PCDH15: variants seen among roughly 807,000 people sequenced by gnomAD.
PCDH15 encodes protocadherin related 15.
PCDH15 carries 129 observed loss-of-function variants against 178.5 expected under a neutral mutation model. The ratio of observed to expected loss-of-function variants is 0.72; its 90% CI spans 0.63 to 0.84. The LOEUF is 0.84. Among genes scored for constraint, PCDH15 ranks in the 40% least tolerant of loss-of-function variants. The pLI, the probability that PCDH15 is intolerant of heterozygous loss-of-function variation, is 0.00. For synonymous variants in PCDH15, 800 were observed against 732.0 expected (o/e 1.09, Z -1.50); for missense variants, 2,230 against 2,099.9 (o/e 1.06, Z -1.21).
At chr10:53,846,145 A>G (rs1299771935) in intron 28 of PCDH15, among the ~76,000 whole-genome samples, 1 of 151,900 alleles carries the variant, frequency 6.6e-6, no homozygotes, top group African/African-American at 2.4e-5. Context: ...TAGTACAATC[A>G]AGTATGAAGC....
At chr10:54,702,891 G>C (rs371562187) in intron 1 of PCDH15, among the ~76,000 whole-genome samples, 109 of 152,066 alleles carry the variant, frequency 7.2e-4, no homozygotes, top group African/African-American at 2.5e-3. Context: ...AAACCTGGCA[G>C]AACACAACAA....
Position 55,210,618 on chromosome 10 carries a change from C to CTTTTTTTTTTTTTTTTTTTT in PCDH15, c.-155-43987_-155-43968dup, listed in dbSNP as rs11412877. Reference sequence around the variant, plus strand: ...ACGATTTTTTTTTCTTTTTTCTTTTCTTTTTTTTTTTTTTTTTTTTTTTTT... The same window carrying CTTTTTTTTTTTTTTTTTTTT: ...ACGATTTTTTTTTCTTTTTTCTTTTCTTTTTTTTTTTTTTTTTTTTTTTTTTTTTTTTTTTTTTTTTTTTT... On this transcript the variant is annotated intron_variant, in intron 1 of 5. Transcript: ENST00000458638. 9.9e-5 allele frequency among the ~76,000 whole-genome samples: 4 copies of CTTTTTTTTTTTTTTTTTTTT among 40,342 alleles called. 1 individual carries two copies. The highest frequency in any genetic ancestry group is 3.4e-4 in the African/African-American group (3 of 8,770). The allele number at this position is 40,342 out of a possible 152,430, so 26.5% of individuals were successfully genotyped here.
chr10:55,088,348 A>G (rs1273820257), intron 2 of PCDH15, among the ~76,000 whole-genome samples: 1 of 151,774 alleles, frequency 6.6e-6, no homozygotes, highest in Non-Finnish European at 1.5e-5. Flanking sequence ...GGCTCACTGC[A>G]ACCTCCGCCT....
intron 2 of PCDH15, among the ~76,000 whole-genome samples, chr10:54,992,265 T>C (rs1050139970): frequency 4.6e-5 from 7 of 152,174 alleles, no homozygotes; most frequent in African/African-American, 1.7e-4. Flanking sequence ...ACAGCAATTG[T>C]CTTAAGTGAA....
At position 55,223,788 on chromosome 10, in the gene PCDH15, T is replaced by C. The variant is rs1840951031; in HGVS notation, c.-155-57137A>G. On this transcript the variant is annotated intron_variant, in intron 1 of 5. Transcript: ENST00000458638. The stretch of plus-strand genomic sequence containing the variant: ...ATCTGCTAAACTCTGGTCTTTAAAA[T>C]AAAGGAAGATTTTGCCAAATATAGA... 3.3e-5 allele frequency among the ~76,000 whole-genome samples: 5 copies of C among 152,112 alleles called. No individual in the cohort carries two copies. In the South Asian group the frequency reaches 8.3e-4, roughly 25 times the overall value.
intron 3 of PCDH15, among the ~76,000 whole-genome samples, chr10:54,484,739 C>T (rs572459539): frequency 3.3e-5 from 5 of 151,614 alleles, no homozygotes; most frequent in African/African-American, 9.7e-5. Flanking sequence ...AGAAATCGAA[C>T]GACAATGCAA....
intron 2 of PCDH15, among the ~76,000 whole-genome samples, chr10:55,053,688 T>A (rs895626856): frequency 3.3e-5 from 5 of 152,202 alleles, no homozygotes; most frequent in Non-Finnish European, 5.9e-5. Context: ...ACTCTGAGCC[T>A]CAGTTTCTTT....
chr10:54,020,886 T>C (rs1456972731), intron 19 of PCDH15, among the ~76,000 whole-genome samples: 1 of 152,006 alleles, frequency 6.6e-6, no homozygotes, highest in Non-Finnish European at 1.5e-5. Context: ...ATGGCTAAAG[T>C]ACTATAAGAA....
Position 53,961,857 on chromosome 10 carries a change from A to G in PCDH15, c.2904T>C (p.Asp968=). The G allele has an allele frequency of 1.2e-6, 2 of 1,610,568 alleles. No homozygotes were observed. Among genetic ancestry groups the G allele is most frequent in the Non-Finnish European group, 8.5e-7 (1 of 1,177,178 alleles). ...LPASRVRYRV[D]DVQFPYPASI... ...TGGCAGGGTAAGGAAACTGTACATCATCTACTCTATACCTCACACGACTTG... is the reference window on the plus strand; with the variant it reads ...TGGCAGGGTAAGGAAACTGTACATCGTCTACTCTATACCTCACACGACTTG... The change falls in exon 22 of 38, where the codon GAT becomes GAC. Residue 968 remains aspartate (D), a synonymous_variant. Coordinates refer to ENST00000644397, the MANE Select transcript of PCDH15 (RefSeq NM_001384140.1).
At chr10:53,995,626 A>G (rs1564959476) in intron 21 of PCDH15, 23 bp downstream of exon 21, 1 of 1,613,788 alleles carries the variant, frequency 6.2e-7, no homozygotes, top group Non-Finnish European at 8.5e-7. Context: ...AGTTCAGAAT[A>G]TTAATCAATG....
intron 14 of PCDH15, among the ~76,000 whole-genome samples, chr10:54,145,602 T>C (rs2043828482): frequency 6.6e-6 from 1 of 152,100 alleles, no homozygotes; most frequent in Admixed American, 6.6e-5. Context: ...GGCAGAGTTT[T>C]AAGATAGAAG....
chr10:55,594,677 A>G (rs145121535), intron 2 of PCDH15, among the ~76,000 whole-genome samples: 1 of 152,146 alleles, frequency 6.6e-6, no homozygotes, highest in East Asian at 1.9e-4. Flanking sequence ...TCAGTAAATT[A>G]TACTGTATAA....
intron 2 of PCDH15, among the ~76,000 whole-genome samples, chr10:55,413,598 G>A (rs1380250766): frequency 1.3e-5 from 2 of 151,494 alleles, no homozygotes; most frequent in African/African-American, 4.8e-5. Flanking sequence ...AAACAAAAGA[G>A]ACTCAGTTAT....
At chr10:55,285,792 T>C (rs1348386776) in intron 1 of PCDH15, among the ~76,000 whole-genome samples, 1 of 151,804 alleles carries the variant, frequency 6.6e-6, no homozygotes, top group Non-Finnish European at 1.5e-5. Context: ...TAATAGAAAA[T>C]AAGACACAGT....
intron 2 of PCDH15, among the ~76,000 whole-genome samples, chr10:54,966,611 C>CACA (rs1838797402): frequency 1.3e-5 from 2 of 152,100 alleles, no homozygotes; most frequent in Non-Finnish European, 2.9e-5. Flanking sequence ...CCATAATTCC[C>CACA]ACTTGTTGTG....
At chr10:54,630,007 T>A (rs1425480026) in intron 2 of PCDH15, among the ~76,000 whole-genome samples, 3 of 151,926 alleles carry the variant, frequency 2.0e-5, no homozygotes, top group Non-Finnish European at 2.9e-5. Flanking sequence ...ACAAAAAAAA[T>A]TAAGTAGGAA....
chr10:55,113,833 T>A lies in PCDH15; in HGVS notation c.-80+52743A>T, dbSNP rs566146103. On this transcript the variant is annotated intron_variant, in intron 2 of 5. Transcript: ENST00000458638. Reference sequence around the variant, plus strand: ...ACCCAAGATAGCCATCAGAGAGAGGTATGTAGATCTTGTATTATCCTGCAC... The same window carrying A: ...ACCCAAGATAGCCATCAGAGAGAGGAATGTAGATCTTGTATTATCCTGCAC... 2.4e-4 allele frequency among the ~76,000 whole-genome samples: 36 copies of A among 152,228 alleles called. 1 individual carries two copies. In the South Asian group the frequency reaches 7.2e-3, roughly 31 times the overall value.
Position 55,007,338 on chromosome 10 carries a change from T to G in PCDH15, c.-79-109838A>C, listed in dbSNP as rs1053272727. On this transcript the variant is annotated intron_variant, in intron 2 of 5. Transcript: ENST00000458638. ...TTACCAACAGCATTATTTGCTAATT[T>G]CAAAGAGAAAACATACTTTCAGAAA... Among the ~76,000 whole-genome samples the G allele has an allele frequency of 2.0e-5, 3 of 151,614 alleles. No individual in the cohort carries two copies. The Admixed American group carries it at 2.0e-4, about 10-fold the overall frequency.
At chr10:54,513,149 A>G (rs1187200116) in intron 3 of PCDH15, among the ~76,000 whole-genome samples, 2 of 151,982 alleles carry the variant, frequency 1.3e-5, no homozygotes, top group Non-Finnish European at 2.9e-5. Flanking sequence ...TATATTTTAT[A>G]CTTTAATTTG....
Sources: gnomAD v4.1 joint callset for allele counts (sites outside exome capture counted in the v4.1 genomes callset) on GRCh38, gnomAD v4.1.1 for gene constraint, MANE v1.5 for transcripts, NCBI Gene and HGNC (gene_info 2026-07-23, HGNC 2026-07-21) for gene names.